Variants in FAM81B observed in about 807,000 individuals in gnomAD.
FAM81B encodes protein FAM81B.
A neutral mutation model predicts 58.7 loss-of-function variants in FAM81B; 60 were observed. That is an observed-to-expected ratio of 1.02 (90% CI 0.83 to 1.27). The LOEUF (loss-of-function observed/expected upper bound fraction) is 1.27, where lower values mean the gene tolerates loss of function less well. Ranked by LOEUF, FAM81B falls within the 50% of genes most tolerant of loss-of-function variation. The probability of loss-of-function intolerance (pLI) is 0.00; values close to 1 mark genes in which losing one functional copy is unlikely to be tolerated. For missense variants in FAM81B, 491 were observed against 522.0 expected (o/e 0.94, Z 0.58); for synonymous variants, 189 against 179.6 (o/e 1.05, Z -0.42).
chr5:95,447,542 G>A (rs1046788417), intron 8 of FAM81B, among the ~76,000 whole-genome samples: 3 of 152,172 alleles, frequency 2.0e-5, no homozygotes, highest in African/African-American at 7.2e-5. Flanking sequence ...CCAGTTATAC[G>A]CAGCACTAGG....
Position 95,420,323 on chromosome 5 carries a change from A to T in FAM81B, c.577A>T (p.Thr193Ser). 1 of 1,613,912 alleles carries T rather than the reference A, an allele frequency of 6.2e-7. No homozygotes were observed. The highest frequency in any genetic ancestry group is 1.3e-5 in the African/African-American group (1 of 75,054). The change falls in exon 5 of 10, where the codon ACA becomes TCA. Residue 193 changes from threonine (T) to serine (S), a missense_variant. Coordinates refer to ENST00000283357, the MANE Select transcript of FAM81B (RefSeq NM_152548.3). ...DQIRARDQAA[T>S]GTNFAVHEIN... is the part of the protein sequence containing the mutation. The stretch of plus-strand genomic sequence containing the variant: ...AATAAGAGCTCGAGATCAGGCGGCC[A>T]CAGGAACTAACTTTGCAGTACACGA...
intron 3 of FAM81B, chr5:95,396,849 CCTT>C (rs1179965256): frequency 6.6e-6 from 1 of 152,212 alleles, no homozygotes; most frequent in East Asian, 1.9e-4. Flanking sequence ...TAGTGTCAGT[CCTT>C]CTACTACTTT....
intron 2 of FAM81B, among the ~76,000 whole-genome samples, chr5:95,395,150 G>A (rs1000579815): frequency 1.3e-5 from 2 of 151,994 alleles, no homozygotes; most frequent in African/African-American, 4.8e-5. Context: ...AGAATTTAAG[G>A]CATTTTCGGC....
intron 7 of FAM81B, among the ~76,000 whole-genome samples, chr5:95,443,611 A>G (rs1178515713): frequency 6.6e-6 from 1 of 151,744 alleles, no homozygotes. Context: ...AATCATGTCC[A>G]TTATGTCCGG....
intron 3 of FAM81B, among the ~76,000 whole-genome samples, chr5:95,411,430 T>C (rs891040748): frequency 2.0e-4 from 31 of 152,170 alleles, no homozygotes; most frequent in Non-Finnish European, 1.9e-4. Flanking sequence ...CTTTACATAA[T>C]AAAATAGGCA....
At chr5:95,432,020 C>A (rs1744918266) in intron 6 of FAM81B, among the ~76,000 whole-genome samples, 1 of 152,052 alleles carries the variant, frequency 6.6e-6, no homozygotes, top group Admixed American at 6.5e-5. Context: ...TTCTTCCTAA[C>A]TTTAACTGTC....
chr5:95,441,875 T>A (rs1419825939), intron 7 of FAM81B, among the ~76,000 whole-genome samples: 4 of 152,046 alleles, frequency 2.6e-5, no homozygotes, highest in African/African-American at 7.2e-5. Context: ...ACAGCAAGAG[T>A]CTTGGCCATC....
chr5:95,431,061 A>T (rs1020912805), intron 6 of FAM81B, among the ~76,000 whole-genome samples: 8 of 152,086 alleles, frequency 5.3e-5, no homozygotes, highest in East Asian at 1.9e-4. Context: ...TATCTCTAGG[A>T]GCTCTTTATA....
intron 4 of FAM81B, among the ~76,000 whole-genome samples, chr5:95,414,540 G>A (rs1762487678): frequency 6.6e-6 from 1 of 152,150 alleles, no homozygotes; most frequent in Admixed American, 6.6e-5. Flanking sequence ...ATGCACATCA[G>A]TAACGCTCCA....
chr5:95,428,800 AAATGCCC>A, intron 6 of FAM81B, 68 bp downstream of exon 6: 1 of 1,596,890 alleles, frequency 6.3e-7, no homozygotes, highest in South Asian at 1.1e-5. Context: ...TAGCTTATCA[AAATGCCC>A]AATCAGGTGG....
chr5:95,405,375 C>A (rs1167710157), intron 3 of FAM81B, among the ~76,000 whole-genome samples: 1 of 151,978 alleles, frequency 6.6e-6, no homozygotes, highest in Non-Finnish European at 1.5e-5. Flanking sequence ...TTCTAAATCA[C>A]TAATTCATTC....
chr5:95,421,485 A>G (rs1582807258), intron 5 of FAM81B, among the ~76,000 whole-genome samples: 2 of 152,346 alleles, frequency 1.3e-5, no homozygotes, highest in Admixed American at 6.5e-5. Context: ...GGTATTTTGG[A>G]GAAGGCATTT....
intron 1 of FAM81B, 63 bp from the exon 2 acceptor site, chr5:95,392,731 A>G: frequency 7.2e-7 from 1 of 1,386,992 alleles, no homozygotes; most frequent in Non-Finnish European, 9.9e-7. Flanking sequence ...AAAAAAAATT[A>G]GCAGCACTGC....
intron 3 of FAM81B, among the ~76,000 whole-genome samples, chr5:95,409,910 G>A (rs903877296): frequency 2.0e-5 from 3 of 152,184 alleles, no homozygotes; most frequent in Non-Finnish European, 4.4e-5. Flanking sequence ...AGGTAAAAAG[G>A]AGGAAAATTG....
chr5:95,399,489 C>T (rs564336823), intron 3 of FAM81B, among the ~76,000 whole-genome samples: 1 of 151,940 alleles, frequency 6.6e-6, no homozygotes, highest in Non-Finnish European at 1.5e-5. Context: ...TGCCCCCCCC[C>T]ACCCACCTGT....
chr5:95,426,899 A>G (rs964330535), intron 5 of FAM81B, among the ~76,000 whole-genome samples: 20 of 152,270 alleles, frequency 1.3e-4, no homozygotes, highest in African/African-American at 4.8e-4. Flanking sequence ...ATACAAAAAA[A>G]TTAGCCAGGC....
intron 3 of FAM81B, among the ~76,000 whole-genome samples, chr5:95,411,980 A>C (rs570358062): frequency 6.6e-6 from 1 of 152,204 alleles, no homozygotes; most frequent in Non-Finnish European, 1.5e-5. Context: ...TAATAATAAC[A>C]ATGCTGACAA....
intron 7 of FAM81B, among the ~76,000 whole-genome samples, chr5:95,438,540 T>C (rs929466443): frequency 4.6e-5 from 7 of 152,136 alleles, no homozygotes; most frequent in Admixed American, 4.6e-4. Flanking sequence ...GAATTTGGCT[T>C]ATGGAAAGTC....
intron 3 of FAM81B, chr5:95,397,143 C>T (rs1026946399): frequency 1.3e-5 from 2 of 152,126 alleles, no homozygotes; most frequent in African/African-American, 4.8e-5. Flanking sequence ...AAGAATTCCC[C>T]TGTCCCTTGG....
Sources: gnomAD v4.1 joint callset for allele counts (sites outside exome capture counted in the v4.1 genomes callset) on GRCh38, gnomAD v4.1.1 for gene constraint, MANE v1.5 for transcripts, NCBI Gene and HGNC (gene_info 2026-07-23, HGNC 2026-07-21) for gene names.